NDST4: variants seen among roughly 807,000 people sequenced by gnomAD.
NDST4 encodes N-deacetylase and N-sulfotransferase 4, also known as N-heparan sulfate sulfotransferase 4.
In NDST4, 63 loss-of-function variants were observed where a neutral mutation model predicts 100.8. The observed-to-expected ratio is 0.62, with a 90% CI of 0.51 to 0.77. The LOEUF is 0.77. Among genes scored for constraint, NDST4 ranks in the 30% least tolerant of loss-of-function variants. The pLI is 0.00. For synonymous variants in NDST4, 377 were observed against 361.8 expected (o/e 1.04, Z -0.48); for missense variants, 943 against 1,018.4 (o/e 0.93, Z 1.01).
At chr4:115,047,558 T>C (rs1056168463) in intron 2 of NDST4, among the ~76,000 whole-genome samples, 6 of 152,156 alleles carry the variant, frequency 3.9e-5, no homozygotes, top group Non-Finnish European at 8.8e-5. Flanking sequence ...GATAGCTTTG[T>C]TTGTAATCTA....
intron 6 of NDST4, among the ~76,000 whole-genome samples, chr4:114,879,960 C>T (rs1724332169): frequency 6.6e-6 from 1 of 152,132 alleles, no homozygotes; most frequent in Non-Finnish European, 1.5e-5. Context: ...GTTTTTCAGT[C>T]ATAATATTTG....
At chr4:114,952,651 T>C (rs1726041777) in intron 4 of NDST4, among the ~76,000 whole-genome samples, 1 of 152,124 alleles carries the variant, frequency 6.6e-6, no homozygotes. Flanking sequence ...GTAAGTTTGG[T>C]GAAAATAGGA....
intron 6 of NDST4, among the ~76,000 whole-genome samples, chr4:114,921,771 A>T (rs1219722538): frequency 6.6e-6 from 1 of 152,144 alleles, no homozygotes; most frequent in East Asian, 1.9e-4. Context: ...ATGCACTACC[A>T]TTCCAGCTGC....
chr4:114,986,788 T>TGA (rs1726911411), intron 2 of NDST4, among the ~76,000 whole-genome samples: 1 of 65,982 alleles, frequency 1.5e-5, no homozygotes, highest in Non-Finnish European at 2.6e-5. Context: ...TGGTATCCAA[T>TGA]TATACATATA....
chr4:114,983,272 C>G (rs1322545526), intron 2 of NDST4, among the ~76,000 whole-genome samples: 1 of 152,232 alleles, frequency 6.6e-6, no homozygotes, highest in Admixed American at 6.5e-5. Context: ...CCAGCTTCCA[C>G]TGTGTGCCTG....
chr4:114,872,999 A>G (rs1212309917), intron 6 of NDST4, among the ~76,000 whole-genome samples: 1 of 152,024 alleles, frequency 6.6e-6, no homozygotes, highest in African/African-American at 2.4e-5. Context: ...AAACTATATA[A>G]GTATTATCCT....
chr4:114,961,613 A>G (rs1389671054), intron 4 of NDST4, among the ~76,000 whole-genome samples: 4 of 152,038 alleles, frequency 2.6e-5, no homozygotes, highest in African/African-American at 9.7e-5. Context: ...ATGTCTAGAC[A>G]CACACAAACT....
At chr4:114,992,287 A>T (rs79920767) in intron 2 of NDST4, among the ~76,000 whole-genome samples, 4,065 of 151,836 alleles carry the variant, frequency 0.027, 122 homozygotes, top group African/African-American at 0.067. Flanking sequence ...TAATTTTTTT[A>T]AGAGATGTTT....
In NDST4 at chr4:115,076,088, C is replaced by T; in HGVS notation, c.949G>A (p.Gly317Arg). The T allele has an allele frequency of 6.2e-7, 1 of 1,612,048 alleles. No homozygotes were observed. Among genetic ancestry groups the T allele is most frequent in the Middle Eastern group, 1.7e-4 (1 of 6,038 alleles). Reference sequence around the variant, plus strand: ...ACATCTTTGACATTCATCCTTGTTCCCTCTTTCCCAACAAATATATCATCA... The same window carrying T: ...ACATCTTTGACATTCATCCTTGTTCTCTCTTTCCCAACAAATATATCATCA... ...DIDDIFVGKE[G>R]TRMNVKDVKA... Residue 317 changes from glycine (G) to arginine (R), a missense_variant, in exon 2 of 14, where the codon GGA (glycine) becomes AGA (arginine). Gly to Arg is a moderately radical substitution (Grantham distance 125). Transcript: ENST00000264363.
At chr4:114,865,595 A>G (rs1724010959) in intron 7 of NDST4, among the ~76,000 whole-genome samples, 1 of 152,192 alleles carries the variant, frequency 6.6e-6, no homozygotes, top group Non-Finnish European at 1.5e-5. Context: ...TTCCTTTTTC[A>G]TTATTATACT....
chr4:114,936,475 A>G (rs1725631097), intron 5 of NDST4, among the ~76,000 whole-genome samples: 1 of 152,200 alleles, frequency 6.6e-6, no homozygotes, highest in Non-Finnish European at 1.5e-5. Context: ...ATGGATTTTA[A>G]CAGCAATATG....
chr4:115,005,627 G>T (rs1283917833), intron 2 of NDST4, among the ~76,000 whole-genome samples: 2 of 152,118 alleles, frequency 1.3e-5, no homozygotes, highest in African/African-American at 2.4e-5. Flanking sequence ...AAAGTGCAGG[G>T]TTTACTATAT....
intron 2 of NDST4, among the ~76,000 whole-genome samples, chr4:115,040,930 T>C (rs1728335856): frequency 6.6e-6 from 1 of 152,060 alleles, no homozygotes. Context: ...AGTTGGAGAA[T>C]GCTAGTTTTC....
chr4:115,098,019 T>C (rs1196842108), intron 1 of NDST4, among the ~76,000 whole-genome samples: 1 of 152,156 alleles, frequency 6.6e-6, no homozygotes, highest in Non-Finnish European at 1.5e-5. Context: ...CGGTGCAAAA[T>C]TGCAAGCTCC....
Position 114,833,633 on chromosome 4 carries a change from G to A in NDST4, c.2369C>T (p.Pro790Leu). ...TAGTGCTTCAGAGTAATTATAACGA[G>A]GTGTAACTCCCAGAAACTTCTGGAC... Reference protein sequence around the residue: ...DEVQKFLGVTPRYNYSEALTF... With the variant: ...DEVQKFLGVTLRYNYSEALTF... The change falls in exon 12 of 14, where the codon CCT becomes CTT. Residue 790 changes from proline (P) to leucine (L), a missense_variant. Coordinates refer to ENST00000264363, the MANE Select transcript of NDST4 (RefSeq NM_022569.3). 1.2e-6 allele frequency: 2 copies of A among 1,611,774 alleles called. No homozygotes were observed. Among genetic ancestry groups the A allele is most frequent in the Non-Finnish European group, 1.7e-6 (2 of 1,178,238 alleles).
chr4:114,994,094 A>G (rs905360548), intron 2 of NDST4, among the ~76,000 whole-genome samples: 2 of 151,994 alleles, frequency 1.3e-5, no homozygotes, highest in Non-Finnish European at 1.5e-5. Context: ...TCTTGTTTCT[A>G]TTTAATGAAA....
At chr4:115,013,651 T>C (rs924586213) in intron 2 of NDST4, among the ~76,000 whole-genome samples, 6 of 151,968 alleles carry the variant, frequency 3.9e-5, no homozygotes, top group Non-Finnish European at 8.8e-5. Flanking sequence ...CTCAAGTCCA[T>C]TTCACAGTAG....
At chr4:114,830,264 C>T (rs1255830507) in intron 12 of NDST4, among the ~76,000 whole-genome samples, 1 of 151,968 alleles carries the variant, frequency 6.6e-6, no homozygotes, top group African/African-American at 2.4e-5. Context: ...GATGTGATTT[C>T]AAAGATATGT....
chr4:114,894,306 A>G lies in NDST4; in HGVS notation c.1537-23356T>C, dbSNP rs143984265. ...TCAATGGTAGTTTGCTGAGAATAGC[A>G]TTGAATCTATAAATTACTTTGGGCA... On this transcript the variant is annotated intron_variant, in intron 6 of 13. Coordinates refer to ENST00000264363, the MANE Select transcript of NDST4 (RefSeq NM_022569.3). Among the ~76,000 whole-genome samples the G allele has an allele frequency of 0.01, 1,525 of 152,298 alleles. 83 individuals are homozygous for G. In the South Asian group the frequency reaches 0.17, roughly 17 times the overall value.
Sources: allele counts gnomAD v4.1 joint callset (sites outside exome capture counted in the v4.1 genomes callset), GRCh38; gene constraint gnomAD v4.1.1; transcripts MANE v1.5; gene names NCBI Gene and HGNC (gene_info 2026-07-23, HGNC 2026-07-21).